The following BCKDHB variants were observed in gnomAD, a reference collection of about 807,000 sequenced individuals.
BCKDHB encodes branched chain keto acid dehydrogenase E1 subunit beta.
In BCKDHB, 41 loss-of-function variants were observed where a neutral mutation model predicts 48.5. That is an observed-to-expected ratio of 0.85 (90% confidence interval 0.66 to 1.10). The LOEUF is 1.10. Among genes scored for constraint, BCKDHB ranks in the 50% least tolerant of loss-of-function variants. BCKDHB has a pLI of 0.00. For synonymous variants in BCKDHB, 201 were observed against 174.8 expected, an observed-to-expected ratio of 1.15 and a Z score of -1.18; for missense variants, 496 against 494.2, an observed-to-expected ratio of 1.00 and a Z score of -0.03.
intron 9 of BCKDHB, among the ~76,000 whole-genome samples, chr6:80,328,987 A>C (rs778858195): frequency 2.0e-5 from 3 of 152,150 alleles, no homozygotes; most frequent in Non-Finnish European, 4.4e-5. Flanking sequence ...ACAATACATA[A>C]TCATTTAAAA....
At chr6:80,286,873 C>G (rs1434685427) in intron 9 of BCKDHB, among the ~76,000 whole-genome samples, 1 of 152,054 alleles carries the variant, frequency 6.6e-6, no homozygotes. Context: ...ATATACAAGG[C>G]AAGCATTTAA....
chr6:80,239,916 T>C (rs1026951560), intron 8 of BCKDHB, among the ~76,000 whole-genome samples: 16 of 152,286 alleles, frequency 1.1e-4, no homozygotes, highest in African/African-American at 3.9e-4. Flanking sequence ...TGGTTGTAGA[T>C]GTGTGGTGTT....
At chr6:80,355,481 C>G in the BCKDHB span, 1 of 149,316 alleles carries the variant, frequency 6.7e-6, no homozygotes, top group Non-Finnish European at 1.5e-5. Context: ...AGCATGTTTA[C>G]TTGCACCGTG....
At chr6:80,223,034 C>T (rs1775532553) in intron 8 of BCKDHB, among the ~76,000 whole-genome samples, 1 of 151,920 alleles carries the variant, frequency 6.6e-6, no homozygotes, top group Non-Finnish European at 1.5e-5. Flanking sequence ...ATATTGATAG[C>T]CTGAAAATAA....
intron 8 of BCKDHB, among the ~76,000 whole-genome samples, chr6:80,219,785 G>A (rs1018581267): frequency 3.3e-5 from 5 of 152,162 alleles, no homozygotes; most frequent in East Asian, 1.9e-4. Context: ...ATTTGGCTGC[G>A]TATAGTATTC....
the BCKDHB span, among the ~76,000 whole-genome samples, chr6:80,397,534 A>G: frequency 2.4e-4 from 37 of 152,204 alleles, no homozygotes; most frequent in Non-Finnish European, 4.0e-4. Flanking sequence ...ACAATTTTTC[A>G]TAAGCTATTT....
chr6:80,388,335 GGTCACAGAGGAGACCTC>G, the BCKDHB span, among the ~76,000 whole-genome samples: 1 of 152,118 alleles, frequency 6.6e-6, no homozygotes, highest in Non-Finnish European at 1.5e-5. Context: ...GGCCTCCATA[GGTCACAGAGGAGACCTC>G]TAGGATTGTG....
chr6:80,230,985 C>T lies in BCKDHB; in HGVS notation c.951+27773C>T, dbSNP rs1009865644. Among the ~76,000 whole-genome samples, 21 of 152,266 alleles carry T rather than the reference C, an allele frequency of 1.4e-4. 1 individual carries two copies. Among genetic ancestry groups the T allele is most frequent in the Middle Eastern group, 3.4e-3 (1 of 294 alleles). Reference sequence around the variant, plus strand: ...GAGGACACATTCAAACCAATGCAAGCGCAGAAGCAGTTGTAAGTAATAAAT... The same window carrying T: ...GAGGACACATTCAAACCAATGCAAGTGCAGAAGCAGTTGTAAGTAATAAAT... On this transcript the variant is annotated intron_variant, in intron 8 of 9. Coordinates refer to ENST00000320393, the MANE Select transcript of BCKDHB (RefSeq NM_183050.4).
At chr6:80,227,836 A>C (rs1159180126) in intron 8 of BCKDHB, among the ~76,000 whole-genome samples, 1 of 152,168 alleles carries the variant, frequency 6.6e-6, no homozygotes, top group Non-Finnish European at 1.5e-5. Context: ...AATAAGAGTA[A>C]TTCTGTGACT....
the BCKDHB span, among the ~76,000 whole-genome samples, chr6:80,450,896 A>G: frequency 1.3e-5 from 2 of 152,218 alleles, no homozygotes; most frequent in Non-Finnish European, 2.9e-5. Flanking sequence ...CATAACATTA[A>G]TAATTTAAAT....
chr6:80,180,634 C>T (rs1391507753), intron 6 of BCKDHB, among the ~76,000 whole-genome samples: 23 of 152,112 alleles, frequency 1.5e-4, no homozygotes, highest in Admixed American at 1.2e-3. Context: ...TCCAAAAATA[C>T]GTAAAAATAG....
chr6:80,167,239 T>G (rs1562102207), intron 3 of BCKDHB, among the ~76,000 whole-genome samples: 1 of 152,092 alleles, frequency 6.6e-6, no homozygotes. Flanking sequence ...TATTTTTTCC[T>G]TCTTTTTTCT....
chr6:80,157,418 T>A (rs1486549495), intron 3 of BCKDHB, among the ~76,000 whole-genome samples: 1 of 151,702 alleles, frequency 6.6e-6, no homozygotes, highest in East Asian at 1.9e-4. Flanking sequence ...TTCCACTATG[T>A]ACAAGGGATT....
At chr6:80,352,338 C>G in the BCKDHB span, among the ~76,000 whole-genome samples, 4 of 152,036 alleles carry the variant, frequency 2.6e-5, no homozygotes, top group African/African-American at 9.7e-5. Flanking sequence ...TCATCTTTAA[C>G]TGAAAAAGGG....
chr6:80,385,355 C>G, the BCKDHB span, among the ~76,000 whole-genome samples: 1 of 152,188 alleles, frequency 6.6e-6, no homozygotes, highest in Non-Finnish European at 1.5e-5. Context: ...ACAGCCTCAC[C>G]AGGTGTCTAC....
the BCKDHB span, among the ~76,000 whole-genome samples, chr6:80,459,645 T>A: frequency 2.0e-5 from 3 of 152,170 alleles, no homozygotes; most frequent in African/African-American, 7.2e-5. Flanking sequence ...ACATTAATAA[T>A]TTTTTAAAAC....
At chr6:80,149,721 C>T (rs921762436) in intron 3 of BCKDHB, among the ~76,000 whole-genome samples, 3 of 150,098 alleles carry the variant, frequency 2.0e-5, no homozygotes, top group East Asian at 2.0e-4. Flanking sequence ...AGTAAACTAT[C>T]ACAAGAACAA....
chr6:80,305,803 A>G (rs1767844829), intron 9 of BCKDHB, among the ~76,000 whole-genome samples: 1 of 152,160 alleles, frequency 6.6e-6, no homozygotes, highest in South Asian at 2.1e-4. Flanking sequence ...AGGTTGATTT[A>G]ACTTGACTTG....
the BCKDHB span, chr6:80,356,213 C>T: frequency 6.6e-6 from 1 of 152,194 alleles, no homozygotes; most frequent in South Asian, 2.1e-4. Flanking sequence ...GCCAACTTGC[C>T]TGTCAATCCT....
Sources: gnomAD v4.1 joint callset for allele counts (sites outside exome capture counted in the v4.1 genomes callset) on GRCh38, gnomAD v4.1.1 for gene constraint, MANE v1.5 for transcripts, NCBI Gene and HGNC (gene_info 2026-07-23, HGNC 2026-07-21) for gene names.